Variants in PLEKHA5 observed in about 807,000 individuals in gnomAD.
The protein encoded by PLEKHA5 is pleckstrin homology domain containing A5.
In PLEKHA5, 55 loss-of-function variants were observed where a neutral mutation model predicts 181.9. That is an observed-to-expected ratio of 0.30 (90% confidence interval 0.24 to 0.38). The LOEUF is 0.38. Ranked by LOEUF, PLEKHA5 falls within the 10% of genes least tolerant of loss-of-function variation. PLEKHA5 has a pLI of 1.00. For synonymous variants in PLEKHA5, 535 were observed against 529.4 expected (o/e 1.01, Z -0.15); for missense variants, 1,432 against 1,549.5 (o/e 0.92, Z 1.27).
intron 3 of PLEKHA5, among the ~76,000 whole-genome samples, chr12:19,169,042 AAAC>A (rs1223046052): frequency 6.6e-6 from 1 of 152,200 alleles, no homozygotes; most frequent in Non-Finnish European, 1.5e-5. Context: ...TTATCAAAGA[AAAC>A]AAATTACTGA....
intron 29 of PLEKHA5, among the ~76,000 whole-genome samples, chr12:19,362,981 C>T (rs1157724566): frequency 6.6e-6 from 1 of 151,718 alleles, no homozygotes; most frequent in African/African-American, 2.4e-5. Flanking sequence ...GGAGCATCTG[C>T]AGATTTTGCT....
intron 11 of PLEKHA5, among the ~76,000 whole-genome samples, chr12:19,275,774 A>G (rs7971129): frequency 0.077 from 11,700 of 152,278 alleles, 621 homozygotes; most frequent in African/African-American, 0.15. Context: ...CTCTAAAAAA[A>G]AAAATGTAAA....
Position 19,322,610 on chromosome 12 carries a change from G to T in PLEKHA5, c.2391G>T (p.Arg797Ser). The T allele has an allele frequency of 6.2e-7, 1 of 1,613,754 alleles. No homozygotes were observed. Among genetic ancestry groups the T allele is most frequent in the Admixed American group, 1.7e-5 (1 of 59,998 alleles). Reference protein sequence around the residue: ...PAAIQTVVLQRDDLQNGLLST... With the variant: ...PAAIQTVVLQSDDLQNGLLST... ...CCATTCAGACAGTGGTGTTACAAAG[G>T]GATGATTTACAAAATGGACTGCTTA... is the stretch of plus-strand genomic sequence containing the variant. Residue 797 changes from arginine (R) to serine (S), a missense_variant, in exon 20 of 32, where the codon AGG (arginine) becomes AGT (serine). This residue lies in a region of PLEKHA5 where 1,143 missense variants were observed against 1,168.4 expected (regional missense o/e 0.98). Coordinates refer to ENST00000429027, the MANE Select transcript of PLEKHA5 (RefSeq NM_001256470.2).
intron 3 of PLEKHA5, among the ~76,000 whole-genome samples, chr12:19,246,628 A>C (rs930935625): frequency 5.3e-5 from 8 of 151,934 alleles, no homozygotes; most frequent in African/African-American, 1.2e-4. Context: ...AAAAAAAAAA[A>C]AACAATCTAG....
intron 3 of PLEKHA5, among the ~76,000 whole-genome samples, chr12:19,173,262 A>T (rs2046414172): frequency 6.6e-6 from 1 of 151,276 alleles, no homozygotes; most frequent in Middle Eastern, 3.4e-3. Flanking sequence ...TGACCTCATG[A>T]TCCACCCGCC....
chr12:19,133,002 T>C (rs2150989317), intron 3 of PLEKHA5, among the ~76,000 whole-genome samples: 1 of 150,544 alleles, frequency 6.6e-6, no homozygotes, highest in South Asian at 2.1e-4. Context: ...AAAAGTGATG[T>C]AAAGCTAGGC....
intron 7 of PLEKHA5, among the ~76,000 whole-genome samples, chr12:19,264,313 CT>C (rs2069570092): frequency 1.3e-5 from 2 of 152,202 alleles, no homozygotes; most frequent in African/African-American, 4.8e-5. Flanking sequence ...GGAAATCACC[CT>C]GTGCTTTAGT....
At chr12:19,366,919 T>C (rs1376989809) in intron 30 of PLEKHA5, among the ~76,000 whole-genome samples, 1 of 152,144 alleles carries the variant, frequency 6.6e-6, no homozygotes, top group African/African-American at 2.4e-5. Flanking sequence ...CACAAATCTT[T>C]TCTTTTTTTT....
At chr12:19,224,750 A>G (rs1484733618) in intron 3 of PLEKHA5, among the ~76,000 whole-genome samples, 3 of 152,178 alleles carry the variant, frequency 2.0e-5, no homozygotes, top group Non-Finnish European at 4.4e-5. Context: ...TTCATTACAT[A>G]ATGATAGTGA....
chr12:19,267,925 A>C lies in PLEKHA5; in HGVS notation c.712-1845A>C, dbSNP rs191830487. On this transcript the variant is annotated intron_variant, in intron 8 of 31. Transcript: ENST00000429027. ...CAGTGAGCCGAGATCGCGCCATTGC[A>C]CTCCAGCCTGGGCAACAAGAGCGAA... Among the ~76,000 whole-genome samples, 256 of 152,138 alleles carry C rather than the reference A, an allele frequency of 1.7e-3. 3 individuals carry two copies. In the East Asian group the frequency reaches 0.027, roughly 16 times the overall value.
At chr12:19,290,280 C>G (rs2152840218) in intron 13 of PLEKHA5, among the ~76,000 whole-genome samples, 1 of 152,268 alleles carries the variant, frequency 6.6e-6, no homozygotes, top group East Asian at 1.9e-4. Flanking sequence ...GTTGGACATG[C>G]AGGTATTTGT....
At chr12:19,257,673 C>A in intron 6 of PLEKHA5, 136 bp downstream of exon 6, 1 of 597,782 alleles carries the variant, frequency 1.7e-6, no homozygotes, top group Non-Finnish European at 2.9e-6. Flanking sequence ...TATTTGACTG[C>A]TTGTTACCCC....
chr12:19,340,407 A>G (rs1473743416), intron 21 of PLEKHA5, among the ~76,000 whole-genome samples: 3 of 140,520 alleles, frequency 2.1e-5, no homozygotes, highest in Non-Finnish European at 1.6e-5. Context: ...CCCGTCCGGG[A>G]GGTGAGGGGC....
intron 22 of PLEKHA5, among the ~76,000 whole-genome samples, chr12:19,345,224 A>C (rs1450649185): frequency 6.6e-6 from 1 of 151,644 alleles, no homozygotes; most frequent in Non-Finnish European, 1.5e-5. Flanking sequence ...ACTTGTTGAG[A>C]CCCCATCTCT....
At chr12:19,144,861 G>A (rs2038472672) in intron 3 of PLEKHA5, among the ~76,000 whole-genome samples, 1 of 152,146 alleles carries the variant, frequency 6.6e-6, no homozygotes, top group Non-Finnish European at 1.5e-5. Context: ...TCATGAACTT[G>A]AATGTAAGCC....
chr12:19,239,897 C>T (rs973729604), intron 3 of PLEKHA5, among the ~76,000 whole-genome samples: 1 of 152,110 alleles, frequency 6.6e-6, no homozygotes, highest in Non-Finnish European at 1.5e-5. Flanking sequence ...TTATGAGACT[C>T]TTCATGTTTA....
chr12:19,133,904 A>G (rs2034802276), intron 3 of PLEKHA5, among the ~76,000 whole-genome samples: 1 of 152,014 alleles, frequency 6.6e-6, no homozygotes, highest in Non-Finnish European at 1.5e-5. Flanking sequence ...TGCCACGAAA[A>G]GGGATACTTC....
At chr12:19,254,947 G>A in intron 4 of PLEKHA5, 98 bp from the exon 5 acceptor site, 10 of 1,046,300 alleles carry the variant, frequency 9.6e-6, no homozygotes, top group Non-Finnish European at 1.3e-5. Context: ...CAAGTACTGT[G>A]AAAAAGTAGG....
At chr12:19,204,156 T>C (rs2054842316) in intron 3 of PLEKHA5, among the ~76,000 whole-genome samples, 1 of 152,012 alleles carries the variant, frequency 6.6e-6, no homozygotes, top group Non-Finnish European at 1.5e-5. Flanking sequence ...GCTACTGTTC[T>C]CAAAAATGAG....
Sources: gnomAD v4.1 joint callset for allele counts (sites outside exome capture counted in the v4.1 genomes callset) on GRCh38, gnomAD v4.1.1 for gene constraint, gnomAD v4.1.1 regional missense constraint, MANE v1.5 for transcripts, NCBI Gene and HGNC (gene_info 2026-07-23, HGNC 2026-07-21) for gene names.